DENND1A: variants seen among roughly 807,000 people sequenced by gnomAD.
The protein encoded by DENND1A is DENN domain-containing protein 1A.
In DENND1A, 51 loss-of-function variants were observed where a neutral mutation model predicts 113.7. That is an observed-to-expected ratio of 0.45 (90% CI 0.36 to 0.57). DENND1A has a LOEUF of 0.57. Ranked by LOEUF, DENND1A falls within the 20% of genes least tolerant of loss-of-function variation. The probability of loss-of-function intolerance (pLI) is 0.00; values close to 1 mark genes in which losing one functional copy is unlikely to be tolerated. For missense variants in DENND1A, 1,258 were observed against 1,395.9 expected (o/e 0.90, Z 1.57); for synonymous variants, 565 against 570.8 (o/e 0.99, Z 0.14).
chr9:123,828,834 T>C (rs1331612431), intron 2 of DENND1A, among the ~76,000 whole-genome samples: 1 of 152,142 alleles, frequency 6.6e-6, no homozygotes, highest in East Asian at 1.9e-4. Context: ...GACAAGAAGG[T>C]TGCAGAACTG....
chr9:123,643,405 T>C (rs2062132944), intron 9 of DENND1A, among the ~76,000 whole-genome samples: 1 of 152,224 alleles, frequency 6.6e-6, no homozygotes, highest in Non-Finnish European at 1.5e-5. Context: ...CAAATAGATG[T>C]TTCTCAGGAA....
intron 13 of DENND1A, chr9:123,485,525 C>G (rs534330477): frequency 1.2e-4 from 18 of 152,228 alleles, no homozygotes; most frequent in African/African-American, 4.3e-4. Context: ...TTCGGGGCTG[C>G]GAGCAGGGCT....
intron 11 of DENND1A, among the ~76,000 whole-genome samples, chr9:123,595,527 G>A (rs147654364): frequency 6.6e-6 from 1 of 152,040 alleles, no homozygotes; most frequent in Non-Finnish European, 1.5e-5. Context: ...GTAGTATGCA[G>A]CAGACCAGTG....
chr9:123,489,800 A>G (rs997606220), intron 13 of DENND1A, among the ~76,000 whole-genome samples: 13 of 152,292 alleles, frequency 8.5e-5, no homozygotes, highest in African/African-American at 2.9e-4. Flanking sequence ...TTATGGGCAA[A>G]ATGGAAAAAC....
intron 20 of DENND1A, 146 bp from the exon 21 acceptor site, chr9:123,403,636 A>C: frequency 1.6e-5 from 11 of 677,966 alleles, no homozygotes; most frequent in Non-Finnish European, 2.9e-5. Flanking sequence ...AGCCTATCAC[A>C]GAAACATCAC....
chr9:123,896,911 A>C (rs944268858), intron 1 of DENND1A, among the ~76,000 whole-genome samples: 3 of 152,250 alleles, frequency 2.0e-5, no homozygotes, highest in Non-Finnish European at 4.4e-5. Context: ...GAAGAGGATG[A>C]GACATAGCCA....
intron 5 of DENND1A, among the ~76,000 whole-genome samples, chr9:123,678,072 G>A (rs1296801064): frequency 1.3e-5 from 2 of 151,980 alleles, no homozygotes; most frequent in African/African-American, 4.8e-5. Flanking sequence ...CCCACTTCAT[G>A]TGCCCTAATT....
intron 13 of DENND1A, among the ~76,000 whole-genome samples, chr9:123,540,989 T>C (rs1258447762): frequency 1.3e-5 from 2 of 152,132 alleles, no homozygotes; most frequent in Admixed American, 6.5e-5. Context: ...CCAGGAGCTT[T>C]CTCTATCTTC....
In DENND1A at chr9:123,634,142, GTTCTT is replaced by G. The variant is rs2061601180; in HGVS notation, c.619-3671_619-3667del. Among the ~76,000 whole-genome samples the G allele has an allele frequency of 2.0e-5, 3 of 152,264 alleles. No individual in the cohort carries two copies. The South Asian group carries it at 6.2e-4, about 32-fold the overall frequency. ...AGCAGAGATCTCATCTTCAGATAAT[GTTCTT>G]TTCATGTCTTTTTAACCTCAAAAGC... is the stretch of plus-strand genomic sequence containing the variant. On this transcript the variant is annotated intron_variant, in intron 9 of 23. Transcript: ENST00000394215.
At chr9:123,756,979 C>T (rs1196218946) in intron 5 of DENND1A, among the ~76,000 whole-genome samples, 1 of 152,178 alleles carries the variant, frequency 6.6e-6, no homozygotes, top group Non-Finnish European at 1.5e-5. Context: ...CCTACTTAAC[C>T]AAGGCAGATG....
In DENND1A at chr9:123,743,459, C is replaced by T. The variant is rs913018531; in HGVS notation, c.302+14244G>A. Among the ~76,000 whole-genome samples, 6 of 146,562 alleles carry T rather than the reference C, an allele frequency of 4.1e-5. No homozygotes were observed. The East Asian group carries it at 6.2e-4, about 15-fold the overall frequency. On this transcript the variant is annotated intron_variant, in intron 5 of 23. Transcript: ENST00000394215. ...TAAAAATAAAAACATAGGCCGGGCG[C>T]GGTGGCTCACTCCTGTAATCCCAGC...
At chr9:123,430,130 A>C (rs904678991) in intron 19 of DENND1A, among the ~76,000 whole-genome samples, 2 of 152,254 alleles carry the variant, frequency 1.3e-5, no homozygotes, top group Admixed American at 6.5e-5. Flanking sequence ...AGTCAAAACC[A>C]CAATGAGATA....
chr9:123,901,060 G>A (rs1372497159), intron 1 of DENND1A, among the ~76,000 whole-genome samples: 1 of 152,146 alleles, frequency 6.6e-6, no homozygotes, highest in Non-Finnish European at 1.5e-5. Flanking sequence ...GTCTCAAAGG[G>A]CCTTAAAGCC....
chr9:123,860,610 C>A (rs1006670166), intron 2 of DENND1A, among the ~76,000 whole-genome samples: 2 of 152,216 alleles, frequency 1.3e-5, no homozygotes, highest in African/African-American at 4.8e-5. Context: ...ACTCTTCAAG[C>A]CCATGGAACA....
intron 3 of DENND1A, among the ~76,000 whole-genome samples, chr9:123,776,797 T>C (rs1182743082): frequency 6.6e-6 from 1 of 152,230 alleles, no homozygotes. Context: ...CACAAACATT[T>C]ATTTAGCTTT....
chr9:123,456,109 G>A (rs1305640087), intron 15 of DENND1A, among the ~76,000 whole-genome samples: 7 of 152,170 alleles, frequency 4.6e-5, no homozygotes, highest in African/African-American at 1.7e-4. Flanking sequence ...ACTTCATGGT[G>A]ATTTTCTTAA....
chr9:123,774,484 A>G (rs1830183586), intron 3 of DENND1A, among the ~76,000 whole-genome samples: 1 of 152,162 alleles, frequency 6.6e-6, no homozygotes, highest in African/African-American at 2.4e-5. Flanking sequence ...CAGGAAATAA[A>G]ATTTTTCTCC....
At chr9:123,607,454 G>T (rs936488554) in intron 11 of DENND1A, among the ~76,000 whole-genome samples, 10 of 141,788 alleles carry the variant, frequency 7.1e-5, no homozygotes, top group South Asian at 2.5e-4. Context: ...GGAGTGGAGT[G>T]GCTTAGAGAG....
chr9:123,782,389 T>C (rs1449523600), intron 3 of DENND1A, among the ~76,000 whole-genome samples: 1 of 152,226 alleles, frequency 6.6e-6, no homozygotes, highest in African/African-American at 2.4e-5. Flanking sequence ...CTAGGTAAAA[T>C]GGGATTTAAT....
Sources: gnomAD v4.1 joint callset for allele counts (sites outside exome capture counted in the v4.1 genomes callset) on GRCh38, gnomAD v4.1.1 for gene constraint, MANE v1.5 for transcripts, NCBI Gene and HGNC (gene_info 2026-07-23, HGNC 2026-07-21) for gene names.